The following PECAM1 variants were observed in gnomAD, a reference collection of about 807,000 sequenced individuals.
PECAM1 encodes platelet and endothelial cell adhesion molecule 1.
In PECAM1, 8 loss-of-function variants were observed where a neutral mutation model predicts 13.8. That is an observed-to-expected ratio of 0.58 (90% confidence interval 0.34 to 1.05). The LOEUF (loss-of-function observed/expected upper bound fraction) is 1.05. Ranked by LOEUF, PECAM1 falls within the 50% of genes least tolerant of loss-of-function variation. The pLI, the probability that PECAM1 is intolerant of heterozygous loss-of-function variation, is 0.03. For missense variants in PECAM1, 304 were observed against 141.2 expected, an observed-to-expected ratio of 2.15 and a Z score of -5.84; for synonymous variants, 136 against 52.6, an observed-to-expected ratio of 2.58 and a Z score of -6.86.
Position 64,383,161 on chromosome 17 carries a change from C to T in PECAM1, c.92-5044G>A, listed in dbSNP as rs968081861. ...TCTCCACACGAGTCATTCATCTGCT[C>T]TCCTGTTTACTGAACGAGCTGCCCA... is the stretch of plus-strand genomic sequence containing the variant. On this transcript the variant is annotated intron_variant, in intron 2 of 15. Coordinates refer to ENST00000563924, the MANE Select transcript of PECAM1 (RefSeq NM_000442.5). 2.3e-4 allele frequency among the ~76,000 whole-genome samples: 35 copies of T among 152,346 alleles called. No homozygotes were observed. The South Asian group carries it at 6.8e-3, about 30-fold the overall frequency.
At chr17:64,339,222 C>T (rs2035364832) in intron 14 of PECAM1, among the ~76,000 whole-genome samples, 1 of 152,048 alleles carries the variant, frequency 6.6e-6, no homozygotes, top group Admixed American at 6.6e-5. Flanking sequence ...AAACCGAAGA[C>T]AGTACACCTC....
intron 7 of PECAM1, among the ~76,000 whole-genome samples, chr17:64,359,194 T>C (rs2035916628): frequency 6.6e-6 from 1 of 152,108 alleles, no homozygotes; most frequent in Non-Finnish European, 1.5e-5. Context: ...CAGCAGCCCA[T>C]GTAGATAGGC....
At chr17:64,379,139 T>C (rs1390291394) in intron 2 of PECAM1, 1 of 152,230 alleles carries the variant, frequency 6.6e-6, no homozygotes, top group East Asian at 1.9e-4. Flanking sequence ...CAGGAATCTC[T>C]GGTCAAGCCT....
intron 2 of PECAM1, among the ~76,000 whole-genome samples, chr17:64,384,513 ACTCT>A (rs1477465523): frequency 6.6e-6 from 1 of 151,836 alleles, no homozygotes; most frequent in African/African-American, 2.4e-5. Flanking sequence ...TATCCTGATC[ACTCT>A]CTCTCCTGTC....
chr17:64,359,101 G>C (rs1469146082), intron 7 of PECAM1, among the ~76,000 whole-genome samples: 1 of 152,080 alleles, frequency 6.6e-6, no homozygotes, highest in Non-Finnish European at 1.5e-5. Context: ...ACCAGCCTAT[G>C]TTAATGTTAA....
At chr17:64,362,930 C>G (rs1568027331) in intron 6 of PECAM1, among the ~76,000 whole-genome samples, 1 of 152,190 alleles carries the variant, frequency 6.6e-6, no homozygotes, top group East Asian at 1.9e-4. Flanking sequence ...CAGAATCTTG[C>G]CAGAATCTTA....
chr17:64,389,517 C>T (rs895380196), intron 2 of PECAM1, among the ~76,000 whole-genome samples: 3,006 of 152,170 alleles, frequency 0.02, 53 homozygotes, highest in Middle Eastern at 0.099. Flanking sequence ...AAAATGAGCT[C>T]CAGTGTGTGA....
intron 2 of PECAM1, among the ~76,000 whole-genome samples, chr17:64,386,570 A>C (rs2036598747): frequency 6.6e-6 from 1 of 152,162 alleles, no homozygotes; most frequent in Non-Finnish European, 1.5e-5. Flanking sequence ...TGGGGTTGAA[A>C]GAATGGAAGA....
intron 14 of PECAM1, among the ~76,000 whole-genome samples, chr17:64,330,349 A>G (rs1284155135): frequency 6.6e-6 from 1 of 150,804 alleles, no homozygotes; most frequent in Non-Finnish European, 1.5e-5. Context: ...TTTTTTAGAA[A>G]TGTAGTATCA....
Position 64,380,035 on chromosome 17 carries a change from A to G in PECAM1, c.92-1918T>C, listed in dbSNP as rs1218344578. ...GTGAGATCCTGTCTCAAAAAAAAAA[A>G]AAAGAAAGAAAAGAGGCCAGGCGCA... On this transcript the variant is annotated intron_variant, in intron 2 of 15. Transcript: ENST00000563924. Among the ~76,000 whole-genome samples the G allele has an allele frequency of 6.0e-4, 91 of 151,826 alleles. 1 individual carries two copies. In the Middle Eastern group the frequency reaches 0.01, roughly 17 times the overall value.
chr17:64,346,223 C>T (rs973685890), intron 13 of PECAM1, among the ~76,000 whole-genome samples: 8 of 152,002 alleles, frequency 5.3e-5, no homozygotes. Flanking sequence ...AGACTGCTTC[C>T]TTTGAGCGTG....
Position 64,348,297 on chromosome 17 carries a change from G to C in PECAM1, c.2070C>G (p.Tyr690Ter). 1 of 475,164 alleles carries C rather than the reference G, an allele frequency of 2.1e-6. No homozygotes were observed. Among genetic ancestry groups the C allele is most frequent in the Non-Finnish European group, 3.9e-6 (1 of 259,006 alleles). The allele number at this position is 475,164 out of a possible 1,614,324, so 29.4% of individuals were successfully genotyped here. The change falls in exon 13 of 16, where the codon TAC (tyrosine) becomes TAG (stop). Residue 690 changes from tyrosine to a stop codon, truncating the protein, a stop_gained. Transcript: ENST00000563924. LOFTEE classifies it high-confidence loss of function. ...CAGCTGAGGACACTTGAACTTCCGT[G>C]TACTGCACGTCTGAGTTCAGAGGCT... ...NKEPLNSDVQ[Y>*]TEVQVSSAES...
chr17:64,323,742 C>G lies in PECAM1; in HGVS notation c.*74G>C. The stretch of plus-strand genomic sequence containing the variant: ...GGTTCATAAATAAGTGCACAGAGGT[C>G]TTGAAATACAGGGATTATCTGTTCT... On this transcript the variant is annotated 3_prime_UTR_variant, in exon 16 of 16. Transcript: ENST00000563924. The G allele has an allele frequency of 7.5e-7, 1 of 1,336,688 alleles. No homozygotes were observed. Among genetic ancestry groups the G allele is most frequent in the Non-Finnish European group, 1.1e-6 (1 of 930,100 alleles). The allele number at this position is 1,336,688 out of a possible 1,614,324, so 82.8% of individuals were successfully genotyped here. A position where few individuals can be genotyped will look rare whatever the true frequency, so the allele number is the denominator to read the frequency against.
At chr17:64,334,163 G>C in intron 14 of PECAM1, among the ~76,000 whole-genome samples, 1 of 142,642 alleles carries the variant, frequency 7.0e-6, no homozygotes, top group East Asian at 2.0e-4. Flanking sequence ...CAAAAGCCAA[G>C]ACTGGAAAGA....
At chr17:64,343,060 C>G (rs998288189) in intron 13 of PECAM1, among the ~76,000 whole-genome samples, 2 of 152,186 alleles carry the variant, frequency 1.3e-5, no homozygotes, top group Non-Finnish European at 2.9e-5. Flanking sequence ...GGAAGCCTCA[C>G]TGTAGAAAAG....
chr17:64,354,174 T>G (rs1249313223), intron 9 of PECAM1, among the ~76,000 whole-genome samples: 1 of 152,144 alleles, frequency 6.6e-6, no homozygotes, highest in Non-Finnish European at 1.5e-5. Flanking sequence ...ACTCCTGACC[T>G]CAAGTGATCT....
rs1374067579 is a variant in PECAM1 at position 64,320,186 on chromosome 17, G to C, written c.*3630C>G. The C allele has an allele frequency of 6.6e-6, 1 of 152,262 alleles. No individual in the cohort carries two copies. The highest frequency in any genetic ancestry group is 1.5e-5 in the Non-Finnish European group (1 of 68,088). The allele number at this position is 152,262 out of a possible 1,614,324, so 9.4% of individuals were successfully genotyped here. On this transcript the variant is annotated 3_prime_UTR_variant, in exon 16 of 16. Coordinates refer to ENST00000563924, the MANE Select transcript of PECAM1 (RefSeq NM_000442.5). ...TCTTCCCAACACGCCAATGACGCTG[G>C]TGGAGAGTCTTAAAAACAGCTGTGC...
chr17:64,344,475 GC>G (rs1477640738), intron 13 of PECAM1, among the ~76,000 whole-genome samples: 1 of 152,044 alleles, frequency 6.6e-6, no homozygotes, highest in Non-Finnish European at 1.5e-5. Context: ...TAGTCTCAGA[GC>G]AAACATGCAG....
intron 15 of PECAM1, among the ~76,000 whole-genome samples, chr17:64,325,310 C>T (rs888354678): frequency 6.6e-6 from 1 of 152,042 alleles, no homozygotes; most frequent in Non-Finnish European, 1.5e-5. Context: ...ATGGCGTGAA[C>T]CCGGGAGGCG....
Sources: gnomAD v4.1 joint callset for allele counts (sites outside exome capture counted in the v4.1 genomes callset) on GRCh38, gnomAD v4.1.1 for gene constraint, MANE v1.5 for transcripts, NCBI Gene and HGNC (gene_info 2026-07-23, HGNC 2026-07-21) for gene names.